ACAD10: variants seen among roughly 807,000 people sequenced by gnomAD.
ACAD10 encodes ACAD-10.
Under a neutral mutation model 116.8 loss-of-function variants are expected in ACAD10, and 112 were observed. The ratio of observed to expected loss-of-function variants is 0.96; its 90% CI spans 0.82 to 1.12. The LOEUF (loss-of-function observed/expected upper bound fraction) is 1.12. Ranked by LOEUF, ACAD10 falls within the 50% of genes most tolerant of loss-of-function variation. ACAD10 has a pLI of 0.00. For synonymous variants in ACAD10, 486 were observed against 510.6 expected, an observed-to-expected ratio of 0.95 and a Z score of 0.65; for missense variants, 1,259 against 1,350.2, an observed-to-expected ratio of 0.93 and a Z score of 1.06.
rs7954433 is a variant in ACAD10, at chr12:111,715,120, G to A, written c.851-701G>A. 5.9e-3 allele frequency among the ~76,000 whole-genome samples: 895 copies of A among 152,298 alleles called. 11 individuals are homozygous for A. The highest frequency in any genetic ancestry group is 0.02 in the African/African-American group (843 of 41,560). ...GATGTTTTCCAGCAATTGGATTATT[G>A]GTAGTGGCCTCTGCACAGCTGAGGC... On this transcript the variant is annotated intron_variant, in intron 6 of 20. Coordinates refer to ENST00000313698, the MANE Select transcript of ACAD10 (RefSeq NM_025247.6).
At chr12:111,708,826 C>T (rs777334140) in intron 4 of ACAD10, among the ~76,000 whole-genome samples, 20 of 152,084 alleles carry the variant, frequency 1.3e-4, no homozygotes, top group Non-Finnish European at 2.4e-4. Flanking sequence ...AAGGCTTTCC[C>T]GTGTTCTCCT....
intron 3 of ACAD10, 77 bp from the exon 4 acceptor site, chr12:111,705,661 A>ATT: frequency 4.1e-5 from 50 of 1,231,986 alleles, no homozygotes; most frequent in Non-Finnish European, 4.6e-5. Context: ...AGGAATAAGC[A>ATT]TTTTTTTTTT....
intron 11 of ACAD10, among the ~76,000 whole-genome samples, chr12:111,735,380 C>T (rs113595697): frequency 7.9e-5 from 12 of 152,212 alleles, no homozygotes; most frequent in African/African-American, 2.9e-4. Flanking sequence ...AAGGTATACT[C>T]CTAAGATTAA....
chr12:111,739,810 T>A (rs1889677937), intron 12 of ACAD10, among the ~76,000 whole-genome samples: 1 of 151,926 alleles, frequency 6.6e-6, no homozygotes, highest in Non-Finnish European at 1.5e-5. Context: ...CGTTAGCCAG[T>A]TACAGTGTTG....
intron 8 of ACAD10, among the ~76,000 whole-genome samples, chr12:111,722,918 G>T (rs1431577031): frequency 6.6e-6 from 1 of 151,998 alleles, no homozygotes; most frequent in Non-Finnish European, 1.5e-5. Context: ...CCCAGACGGG[G>T]TGGTGGCCGG....
In ACAD10 at chr12:111,756,719, G is replaced by A. The variant is rs1481477031; in HGVS notation, c.*246G>A. 4 of 690,618 alleles carry A rather than the reference G, an allele frequency of 5.8e-6. No homozygotes were observed. Among genetic ancestry groups the A allele is most frequent in the South Asian group, 4.5e-5 (3 of 67,068 alleles). 42.8% of individuals were successfully genotyped at this position (690,618 alleles called of 1,614,324 possible). A position where few individuals can be genotyped will look rare whatever the true frequency, so the allele number is the denominator to read the frequency against. ...AGGGCCAAGGGGGTTCTGGGACAGA[G>A]TCTGGAAAGCTGGTCTTCAGGCTCT... On this transcript the variant is annotated 3_prime_UTR_variant, in exon 21 of 21. Transcript: ENST00000313698.
chr12:111,722,734 G>A (rs1889053160), intron 8 of ACAD10, among the ~76,000 whole-genome samples: 1 of 152,344 alleles, frequency 6.6e-6, no homozygotes, highest in Admixed American at 6.5e-5. Context: ...TCCCAAGGCA[G>A]AAGAAGTTTT....
chr12:111,745,151 G>A (rs960652605), intron 13 of ACAD10, 108 bp downstream of exon 13: 19 of 1,216,786 alleles, frequency 1.6e-5, no homozygotes, highest in African/African-American at 4.6e-5. Flanking sequence ...CAGGAGCTCC[G>A]AGTTGAATGA....
intron 2 of ACAD10, among the ~76,000 whole-genome samples, chr12:111,698,446 G>A (rs1427386015): frequency 4.9e-5 from 7 of 144,106 alleles, no homozygotes; most frequent in Admixed American, 2.1e-4. Context: ...CAGTTTTTCC[G>A]TGAATTGCTC....
chr12:111,754,417 C>T (rs1399449421), intron 19 of ACAD10, among the ~76,000 whole-genome samples: 1 of 152,214 alleles, frequency 6.6e-6, no homozygotes, highest in African/African-American at 2.4e-5. Context: ...TCCCAAGTAG[C>T]TGGGACTCCA....
chr12:111,713,937 C>A (rs530919807), intron 6 of ACAD10, among the ~76,000 whole-genome samples: 269 of 145,216 alleles, frequency 1.9e-3, no homozygotes, highest in African/African-American at 6.6e-3. Context: ...CGTCCCCCCC[C>A]CAAAAAAAAA....
In ACAD10 at chr12:111,746,157, C is replaced by T; in HGVS notation, c.2129C>T (p.Ala710Val). 1 of 1,613,326 alleles carries T rather than the reference C, an allele frequency of 6.2e-7. No homozygotes were observed. The highest frequency in any genetic ancestry group is 8.5e-7 in the Non-Finnish European group (1 of 1,179,808). Residue 710 changes from alanine (A) to valine (V), a missense_variant, in exon 14 of 21, where the codon GCT becomes GTT. By Grantham distance (64) the Ala-to-Val change is moderately conservative. Transcript: ENST00000313698. The part of the protein sequence containing the change: ...LIEDLKEKAK[A>V]EGLWNLFLPL... Reference sequence around the variant, plus strand: ...TCCCCATGATAGGAGAAAGCCAAAGCTGAAGGACTTTGGAACCTTTTCCTA... The same window carrying T: ...TCCCCATGATAGGAGAAAGCCAAAGTTGAAGGACTTTGGAACCTTTTCCTA...
intron 16 of ACAD10, chr12:111,747,758 T>G (rs1222964482): frequency 1.9e-6 from 2 of 1,058,284 alleles, no homozygotes; most frequent in Admixed American, 9.7e-5. Flanking sequence ...ATGACAATCC[T>G]GACTTTTAGG....
chr12:111,737,111 T>C, intron 12 of ACAD10, 107 bp downstream of exon 12: 1 of 1,037,916 alleles, frequency 9.6e-7, no homozygotes, highest in Non-Finnish European at 1.4e-6. Flanking sequence ...GAGAGACCGA[T>C]TTGGCCAGGA....
At chr12:111,746,766 G>T (rs886126535) in intron 14 of ACAD10, among the ~76,000 whole-genome samples, 1 of 152,166 alleles carries the variant, frequency 6.6e-6, no homozygotes, top group African/African-American at 2.4e-5. Flanking sequence ...TTTGGAGGCC[G>T]AAGTGTGGGG....
chr12:111,738,249 C>T (rs1007723449), intron 12 of ACAD10, among the ~76,000 whole-genome samples: 1 of 152,112 alleles, frequency 6.6e-6, no homozygotes, highest in South Asian at 2.1e-4. Flanking sequence ...CTTGTCTATC[C>T]AGCCTACCCA....
chr12:111,719,949 G>A (rs1020231420), intron 7 of ACAD10, among the ~76,000 whole-genome samples: 1 of 150,680 alleles, frequency 6.6e-6, no homozygotes, highest in Non-Finnish European at 1.5e-5. Context: ...GGATGGTCTC[G>A]ATCTCCTGAC....
chr12:111,727,988 T>C lies in ACAD10; in HGVS notation c.1088T>C (p.Met363Thr). 6.2e-7 allele frequency: 1 copy of C among 1,612,602 alleles called. No homozygotes were observed. Among genetic ancestry groups the C allele is most frequent in the Non-Finnish European group, 8.5e-7 (1 of 1,179,596 alleles). The change falls in exon 9 of 21, where the codon ATG (methionine) becomes ACG (threonine). Residue 363 changes from methionine (M) to threonine (T), a missense_variant. Met to Thr is a moderately conservative substitution (Grantham distance 81). Transcript: ENST00000313698. ...SSVIGTPFYVMEYCPGLIYKD... is the reference protein window; with the variant it reads ...SSVIGTPFYVTEYCPGLIYKD... ...GTCATTGGCACCCCCTTCTATGTGATGGAGTACTGCCCAGGTCTCATCTAC... is the reference window on the plus strand; with the variant it reads ...GTCATTGGCACCCCCTTCTATGTGACGGAGTACTGCCCAGGTCTCATCTAC...
intron 14 of ACAD10, 144 bp from the exon 15 acceptor site, chr12:111,746,905 T>G: frequency 1.9e-6 from 2 of 1,077,312 alleles, no homozygotes; most frequent in Non-Finnish European, 2.6e-6. Context: ...AGCTGAGGCA[T>G]GGGAGGATGG....
Sources: allele counts gnomAD v4.1 joint callset (sites outside exome capture counted in the v4.1 genomes callset), GRCh38; gene constraint gnomAD v4.1.1; transcripts MANE v1.5; gene names NCBI Gene and HGNC (gene_info 2026-07-23, HGNC 2026-07-21).